The following STK39 variants were observed in gnomAD, a reference collection of about 807,000 sequenced individuals.
The protein encoded by STK39 is STE20/SPS1-related proline-alanine-rich protein kinase.
In STK39, 20 loss-of-function variants were observed where a neutral mutation model predicts 77.8. That is an observed-to-expected ratio of 0.26 (90% CI 0.18 to 0.37). The LOEUF is 0.37. Among genes scored for constraint, STK39 ranks in the 10% least tolerant of loss-of-function variants. The probability of loss-of-function intolerance (pLI) is 1.00; values close to 1 mark genes in which losing one functional copy is unlikely to be tolerated. For missense variants in STK39, 479 were observed against 656.5 expected (o/e 0.73, Z 2.95); for synonymous variants, 246 against 234.1 (o/e 1.05, Z -0.47).
At chr2:168,019,071 A>G (rs1271617414) in intron 14 of STK39, among the ~76,000 whole-genome samples, 1 of 151,794 alleles carries the variant, frequency 6.6e-6, no homozygotes, top group Non-Finnish European at 1.5e-5. Context: ...GGTTTCCCCA[A>G]CCTTGACTTT....
In STK39 at chr2:168,129,587, T is replaced by C. The variant is rs1687627871; in HGVS notation, c.1043A>G (p.Glu348Gly). ...GTCTGGTGTTCTTGTAAGCAGCTTC[T>C]CAATCAGGTACTCTCTGTTCTGCAA... is the stretch of plus-strand genomic sequence containing the variant. ...QKAKNREYLIEKLLTRTPDIA... is the reference protein window; with the variant it reads ...QKAKNREYLIGKLLTRTPDIA... Residue 348 changes from glutamate to glycine, a missense_variant, in exon 10 of 18, where the codon GAG (glutamate) becomes GGG (glycine). Physicochemically the swap from Glu to Gly is moderately conservative, Grantham distance 98. Coordinates refer to ENST00000355999, the MANE Select transcript of STK39 (RefSeq NM_013233.3). The C allele has an allele frequency of 1.2e-6, 2 of 1,614,092 alleles. No homozygotes were observed. The highest frequency in any genetic ancestry group is 1.7e-6 in the Non-Finnish European group (2 of 1,179,956).
chr2:167,983,488 GGAA>G (rs1683483054), intron 16 of STK39, among the ~76,000 whole-genome samples: 1 of 33,250 alleles, frequency 3.0e-5, no homozygotes. Flanking sequence ...AAGGAAGGAA[GGAA>G]GGAAGGAAGG....
intron 10 of STK39, among the ~76,000 whole-genome samples, chr2:168,125,632 T>C (rs888459968): frequency 1.3e-5 from 2 of 152,090 alleles, no homozygotes; most frequent in South Asian, 2.1e-4. Flanking sequence ...TAAACAACAC[T>C]GTCAGCAAAA....
At chr2:168,021,221 G>T (rs1684562880) in intron 14 of STK39, among the ~76,000 whole-genome samples, 1 of 152,108 alleles carries the variant, frequency 6.6e-6, no homozygotes, top group Non-Finnish European at 1.5e-5. Context: ...TGCATATCCT[G>T]ATGCTTCAAA....
At chr2:168,133,308 C>T (rs962725923) in intron 8 of STK39, among the ~76,000 whole-genome samples, 1 of 152,208 alleles carries the variant, frequency 6.6e-6, no homozygotes, top group African/African-American at 2.4e-5. Context: ...CACTCCACTC[C>T]ACTCTCAGCC....
At chr2:168,101,840 A>G (rs55892001) in intron 10 of STK39, among the ~76,000 whole-genome samples, 118 of 152,348 alleles carry the variant, frequency 7.7e-4, no homozygotes, top group African/African-American at 2.4e-3. Context: ...GTCAATTGTT[A>G]GTATATTCAC....
chr2:168,166,262 T>C (rs1688691453), intron 3 of STK39, among the ~76,000 whole-genome samples: 1 of 152,202 alleles, frequency 6.6e-6, no homozygotes, highest in Admixed American at 6.6e-5. Flanking sequence ...GTAAATTGCC[T>C]TGGACAGGAT....
chr2:168,162,932 C>G (rs1688611201), intron 4 of STK39, among the ~76,000 whole-genome samples: 1 of 151,338 alleles, frequency 6.6e-6, no homozygotes, highest in African/African-American at 2.4e-5. Flanking sequence ...GAGGCTGAGA[C>G]AGGAGAATTG....
rs1488907972 is a variant in STK39 at position 167,955,164 on chromosome 2, T to C, written c.*332A>G. 3 of 180,006 alleles carry C rather than the reference T, an allele frequency of 1.7e-5. No homozygotes were observed. The highest frequency in any genetic ancestry group is 1.4e-4 in the East Asian group (1 of 7,058). 11.2% of individuals were successfully genotyped at this position (180,006 alleles called of 1,614,324 possible). On this transcript the variant is annotated 3_prime_UTR_variant, in exon 18 of 18. Transcript: ENST00000355999. ...CAATAAATAAGACCACCTGAGTGTA[T>C]TTCAGATTCTTTTCACTTAAGGGAT...
chr2:168,191,306 G>A (rs564577236), intron 1 of STK39, among the ~76,000 whole-genome samples: 1 of 152,254 alleles, frequency 6.6e-6, no homozygotes, highest in South Asian at 2.1e-4. Context: ...CTAAACAAGG[G>A]TTGGATTTTC....
intron 14 of STK39, among the ~76,000 whole-genome samples, chr2:168,018,070 A>T (rs1181014999): frequency 6.6e-6 from 1 of 152,234 alleles, no homozygotes; most frequent in Non-Finnish European, 1.5e-5. Context: ...CAAGTTTTCC[A>T]TTCAAATTAA....
chr2:168,108,033 G>C (rs1160888301), intron 10 of STK39, among the ~76,000 whole-genome samples: 1 of 152,066 alleles, frequency 6.6e-6, no homozygotes, highest in Non-Finnish European at 1.5e-5. Flanking sequence ...CAAAAACCCT[G>C]GCAAAATTCT....
At chr2:168,046,394 CAAACA>C (rs1418130097) in intron 14 of STK39, among the ~76,000 whole-genome samples, 1 of 151,306 alleles carries the variant, frequency 6.6e-6, no homozygotes, top group African/African-American at 2.4e-5. Context: ...AACAAACAAA[CAAACA>C]AAAGAAAACT....
chr2:167,982,118 C>T (rs10930300), intron 16 of STK39, among the ~76,000 whole-genome samples: 22,834 of 152,170 alleles, frequency 0.15, 2,122 homozygotes, highest in East Asian at 0.38. Context: ...CCAGTCCTGC[C>T]ACAGGACACA....
intron 2 of STK39, among the ~76,000 whole-genome samples, chr2:168,171,967 C>T (rs926333019): frequency 6.6e-6 from 1 of 151,312 alleles, no homozygotes; most frequent in Non-Finnish European, 1.5e-5. Context: ...ACTGAAGGGC[C>T]GCACTCTATG....
At chr2:168,000,100 C>T (rs747349273) in intron 16 of STK39, among the ~76,000 whole-genome samples, 4 of 152,176 alleles carry the variant, frequency 2.6e-5, no homozygotes, top group East Asian at 1.9e-4. Context: ...CAGGGAAATA[C>T]GTGTTATTAC....
intron 1 of STK39, among the ~76,000 whole-genome samples, chr2:168,186,712 A>G (rs57401499): frequency 2.0e-5 from 3 of 152,322 alleles, no homozygotes; most frequent in East Asian, 1.9e-4. Context: ...CATCAACTCA[A>G]TAAATGTTAG....
intron 16 of STK39, among the ~76,000 whole-genome samples, chr2:167,982,333 C>T (rs556484254): frequency 2.6e-5 from 4 of 152,246 alleles, no homozygotes; most frequent in South Asian, 4.1e-4. Flanking sequence ...ATGTAACCTA[C>T]ATAAAATGTC....
chr2:168,017,651 G>A (rs943048680), intron 14 of STK39, among the ~76,000 whole-genome samples: 1 of 151,906 alleles, frequency 6.6e-6, no homozygotes, highest in African/African-American at 2.4e-5. Context: ...GGGATTACAG[G>A]CATGAGCCAC....
Sources: allele counts gnomAD v4.1 joint callset (sites outside exome capture counted in the v4.1 genomes callset), GRCh38; gene constraint gnomAD v4.1.1; transcripts MANE v1.5; gene names NCBI Gene and HGNC (gene_info 2026-07-23, HGNC 2026-07-21).